Variants in GRM7 observed in about 807,000 individuals in gnomAD.
GRM7 encodes the protein glutamate metabotropic receptor 7.
A neutral mutation model predicts 84.5 loss-of-function variants in GRM7; 35 were observed. That is an observed-to-expected ratio of 0.41 (90% CI 0.32 to 0.55). The LOEUF is 0.55. Among genes scored for constraint, GRM7 ranks in the 20% least tolerant of loss-of-function variants. GRM7 has a pLI of 0.19. For missense variants in GRM7, 1,003 were observed against 1,194.6 expected, an observed-to-expected ratio of 0.84 and a Z score of 2.36; for synonymous variants, 487 against 455.1, an observed-to-expected ratio of 1.07 and a Z score of -0.89.
chr3:7,731,038 CTGTT>C (rs1702312207), intron 9 of GRM7, among the ~76,000 whole-genome samples: 1 of 151,422 alleles, frequency 6.6e-6, no homozygotes, highest in South Asian at 2.1e-4. Context: ...ACGTAAACCT[CTGTT>C]TGATGCTTTA....
chr3:7,012,831 T>C (rs952811803), intron 1 of GRM7, among the ~76,000 whole-genome samples: 4 of 152,142 alleles, frequency 2.6e-5, no homozygotes, highest in African/African-American at 9.7e-5. Flanking sequence ...GCCTGGACCA[T>C]TTGGACTCAA....
At chr3:7,082,028 C>G (rs993172566) in intron 1 of GRM7, among the ~76,000 whole-genome samples, 7 of 152,070 alleles carry the variant, frequency 4.6e-5, no homozygotes, top group African/African-American at 9.7e-5. Context: ...GCAGCAAGTG[C>G]TGATATAGAA....
At chr3:6,993,366 C>T (rs1694716338) in intron 1 of GRM7, among the ~76,000 whole-genome samples, 1 of 152,174 alleles carries the variant, frequency 6.6e-6, no homozygotes, top group South Asian at 2.1e-4. Context: ...AGGTATGATA[C>T]AAGCCTTCGA....
chr3:7,674,557 T>C (rs1307854512), intron 8 of GRM7, among the ~76,000 whole-genome samples: 2 of 152,240 alleles, frequency 1.3e-5, no homozygotes, highest in African/African-American at 2.4e-5. Flanking sequence ...GATGGCTAAA[T>C]CAAGCTAATT....
chr3:7,340,695 C>T (rs1224756192), intron 4 of GRM7, among the ~76,000 whole-genome samples: 6 of 152,220 alleles, frequency 3.9e-5, no homozygotes, highest in Non-Finnish European at 7.4e-5. Flanking sequence ...AACCATAATA[C>T]CTCAGTTTTG....
intron 8 of GRM7, among the ~76,000 whole-genome samples, chr3:7,602,335 G>C (rs1036587431): frequency 3.3e-5 from 5 of 152,042 alleles, no homozygotes; most frequent in African/African-American, 4.8e-5. Context: ...TGAAATAAAG[G>C]CTGTAGAATG....
At chr3:7,227,381 A>G (rs1464716219) in intron 2 of GRM7, among the ~76,000 whole-genome samples, 1 of 152,194 alleles carries the variant, frequency 6.6e-6, no homozygotes. Flanking sequence ...TGCCTTGGGA[A>G]TGTCTACCCT....
chr3:6,920,880 G>A (rs1028508006), intron 1 of GRM7, among the ~76,000 whole-genome samples: 3 of 152,050 alleles, frequency 2.0e-5, no homozygotes, highest in African/African-American at 7.2e-5. Flanking sequence ...TCTTGGAATT[G>A]TATGTTTCCA....
intron 8 of GRM7, among the ~76,000 whole-genome samples, chr3:7,636,953 G>A (rs186703006): frequency 2.6e-5 from 4 of 152,190 alleles, no homozygotes; most frequent in Non-Finnish European, 4.4e-5. Context: ...AAAGCATACC[G>A]TGAAATGGTC....
chr3:7,015,776 G>A (rs1407420404), intron 1 of GRM7, among the ~76,000 whole-genome samples: 1 of 152,204 alleles, frequency 6.6e-6, no homozygotes, highest in Non-Finnish European at 1.5e-5. Flanking sequence ...AGGAATGCTT[G>A]AGTGTCCTTA....
chr3:6,862,817 C>T lies in GRM7; in HGVS notation c.519+910C>T, dbSNP rs922345208. 1 of 303,046 alleles carries T rather than the reference C, an allele frequency of 3.3e-6. No individual in the cohort carries two copies. Among genetic ancestry groups the T allele is most frequent in the Non-Finnish European group, 6.6e-6 (1 of 151,696 alleles). 18.8% of individuals were successfully genotyped at this position (303,046 alleles called of 1,614,324 possible). On this transcript the variant is annotated intron_variant, in intron 1 of 9. Transcript: ENST00000357716. The surrounding 1 kb of genome is among the most constrained non-coding windows in gnomAD (Gnocchi z 5.2). The stretch of plus-strand genomic sequence containing the variant: ...ATTCCCGGAGCGAGGCATGAAGGCG[C>T]CCGTTGGGAGGCAGAGGGGTGCGTG...
chr3:7,121,106 C>A (rs1693201705), intron 1 of GRM7, among the ~76,000 whole-genome samples: 1 of 152,114 alleles, frequency 6.6e-6, no homozygotes, highest in Admixed American at 6.6e-5. Context: ...GTTTGTTGAA[C>A]TATAGATGAA....
intron 7 of GRM7, among the ~76,000 whole-genome samples, chr3:7,483,869 A>G (rs1315664440): frequency 6.6e-6 from 1 of 152,094 alleles, no homozygotes; most frequent in Non-Finnish European, 1.5e-5. Flanking sequence ...CGCAAAATGG[A>G]CATTAAAAAT....
intron 1 of GRM7, among the ~76,000 whole-genome samples, chr3:7,106,329 G>C (rs892951740): frequency 3.3e-4 from 50 of 151,470 alleles, no homozygotes; most frequent in African/African-American, 1.1e-3. Flanking sequence ...CATGCATATA[G>C]TATGCAGCCT....
At position 7,692,630 on chromosome 3, in the gene GRM7, G is replaced by T. The variant is rs116253534; in HGVS notation, c.2698+12335G>T. On this transcript the variant is annotated intron_variant, in intron 9 of 9. Transcript: ENST00000357716. ...ATTTTCACTATTGCTGCAAAGTTTA[G>T]AATGTACTCAACTATCCATTGAAGC... Among the ~76,000 whole-genome samples, 1,246 of 152,226 alleles carry T rather than the reference G, an allele frequency of 8.2e-3. 20 individuals carry two copies. The highest frequency in any genetic ancestry group is 0.027 in the African/African-American group (1,138 of 41,538).
chr3:7,446,364 A>G (rs1325329981), intron 5 of GRM7, among the ~76,000 whole-genome samples: 1 of 151,334 alleles, frequency 6.6e-6, no homozygotes, highest in South Asian at 2.1e-4. Flanking sequence ...ATTAGTAAAC[A>G]TCTTTGATTT....
At chr3:7,542,013 G>T (rs1489135250) in intron 7 of GRM7, among the ~76,000 whole-genome samples, 1 of 152,100 alleles carries the variant, frequency 6.6e-6, no homozygotes, top group East Asian at 1.9e-4. Flanking sequence ...TCTGCCTCCA[G>T]CATCTTATGG....
chr3:7,482,719 T>A (rs1010717590), intron 7 of GRM7, among the ~76,000 whole-genome samples: 1 of 152,144 alleles, frequency 6.6e-6, no homozygotes, highest in African/African-American at 2.4e-5. Context: ...GAGATAAAGG[T>A]TTTTTAAGAA....
At chr3:7,584,347 C>T (rs192181030) in intron 8 of GRM7, among the ~76,000 whole-genome samples, 129 of 152,300 alleles carry the variant, frequency 8.5e-4, no homozygotes, top group African/African-American at 3.0e-3. Context: ...AGCTTGTAAG[C>T]TGAAATGCCT....
Sources: gnomAD v4.1 joint callset for allele counts (sites outside exome capture counted in the v4.1 genomes callset) on GRCh38, gnomAD v4.1.1 for gene constraint, Gnocchi (gnomAD v3.1) non-coding constraint, MANE v1.5 for transcripts, NCBI Gene and HGNC (gene_info 2026-07-23, HGNC 2026-07-21) for gene names.